SMARCD3: variants seen among roughly 807,000 people sequenced by gnomAD.
SMARCD3 encodes SWI/SNF related BAF chromatin remodeling complex subunit D3, also known as SWI/SNF-related matrix-associated actin-dependent regulator of chromatin subfamily D member 3.
SMARCD3 carries 14 observed loss-of-function variants against 58.0 expected under a neutral mutation model. The ratio of observed to expected loss-of-function variants is 0.24; its 90% confidence interval spans 0.16 to 0.38. SMARCD3 has a LOEUF of 0.38. SMARCD3 is among the 10% of genes least tolerant of loss of function. The pLI is 1.00. For missense variants in SMARCD3, 408 were observed against 636.9 expected (o/e 0.64, Z 3.87); for synonymous variants, 253 against 253.8 (o/e 1.00, Z 0.03).
At chr7:151,252,440 TGA>T (rs35914888), upstream of SMARCD3, among the ~76,000 whole-genome samples, 618 of 149,514 alleles carry the variant, frequency 4.1e-3, 1 homozygote, top group African/African-American at 0.013. Context: ...TGTGTGTGTG[TGA>T]GAGAGAGAGA....
chr7:151,254,207 GC>G (rs1263425434), intron 2 of SMARCD3: 1 of 152,316 alleles, frequency 6.6e-6, no homozygotes, highest in Non-Finnish European at 1.5e-5. Flanking sequence ...CTCTGCTAAG[GC>G]CCCACTCCTG....
At chr7:151,252,761 C>T (rs185437460), upstream of SMARCD3, among the ~76,000 whole-genome samples, 201 of 152,046 alleles carry the variant, frequency 1.3e-3, no homozygotes, top group African/African-American at 4.4e-3. Flanking sequence ...CAGGCACCTT[C>T]CTCCTCCTCC....
chr7:151,274,582 C>T (rs147325063), intron 2 of SMARCD3, among the ~76,000 whole-genome samples: 1 of 152,350 alleles, frequency 6.6e-6, no homozygotes, highest in East Asian at 1.9e-4. Context: ...CGGAACCCTG[C>T]CTGGGGCCCT....
intron 2 of SMARCD3, among the ~76,000 whole-genome samples, chr7:151,258,446 T>C (rs1803778008): frequency 6.6e-6 from 1 of 151,056 alleles, no homozygotes; most frequent in Non-Finnish European, 1.5e-5. Flanking sequence ...GCAACTGTAA[T>C]CCCAGCTACT....
intron 2 of SMARCD3, among the ~76,000 whole-genome samples, chr7:151,261,040 G>C (rs1803901495): frequency 6.6e-6 from 1 of 152,172 alleles, no homozygotes; most frequent in African/African-American, 2.4e-5. Context: ...ACTCACCAAG[G>C]GGTGGGCGGT....
At chr7:151,251,694 G>C (rs1303837694), upstream of SMARCD3, among the ~76,000 whole-genome samples, 2 of 152,164 alleles carry the variant, frequency 1.3e-5, no homozygotes, top group East Asian at 3.9e-4. Flanking sequence ...GGGGCAGGCC[G>C]TGCGCCTGTC....
At chr7:151,240,847 T>C (rs1483755297) in intron 8 of SMARCD3, 1 of 337,352 alleles carries the variant, frequency 3.0e-6, no homozygotes, top group Non-Finnish European at 5.5e-6. Flanking sequence ...ATCTCTAGAG[T>C]GGGGATGAAA....
intron 8 of SMARCD3, 67 bp from the exon 9 acceptor site, chr7:151,240,589 C>A (rs1260775955): frequency 7.5e-6 from 9 of 1,197,230 alleles, no homozygotes; most frequent in Non-Finnish European, 2.4e-6. Context: ...AGTTGTAGAT[C>A]CTTTTGTTCT....
chr7:151,258,520 T>A (rs1164749674), intron 2 of SMARCD3, among the ~76,000 whole-genome samples: 2 of 146,308 alleles, frequency 1.4e-5, no homozygotes, highest in African/African-American at 2.5e-5. Context: ...AGCCAAGATT[T>A]CGCCACTGCA....
intron 2 of SMARCD3, among the ~76,000 whole-genome samples, chr7:151,253,757 T>G (rs1803607061): frequency 6.6e-6 from 1 of 152,206 alleles, no homozygotes; most frequent in Non-Finnish European, 1.5e-5. Flanking sequence ...CGGACAGGGC[T>G]GGGCTGTGGG....
Position 151,245,769 on chromosome 7 carries a change from C to T in SMARCD3, c.79-98G>A, listed in dbSNP as rs572936147. On this transcript the variant is annotated intron_variant, in intron 1 of 12. Transcript: ENST00000262188. This position sits in a 1 kb window ranked among gnomAD's most constrained non-coding sequence, Gnocchi z 6.2. ...TGAGCCGGCGTCTCCCCTCCCCCAC[C>T]AGACCCTCGGCTGGTGACCCTGAGC... 720 of 382,862 alleles carry T rather than the reference C, an allele frequency of 1.9e-3. 4 individuals are homozygous for T. Among genetic ancestry groups the T allele is most frequent in the African/African-American group, 0.014 (672 of 47,952 alleles). 23.7% of individuals were successfully genotyped at this position (382,862 alleles called of 1,614,324 possible). A position where few individuals can be genotyped will look rare whatever the true frequency, so the allele number is the denominator to read the frequency against.
chr7:151,239,972 G>A lies in SMARCD3; in HGVS notation c.1173+140C>T. 1 of 1,019,798 alleles carries A rather than the reference G, an allele frequency of 9.8e-7. No homozygotes were observed. The highest frequency in any genetic ancestry group is 1.4e-6 in the Non-Finnish European group (1 of 713,702). The allele number at this position is 1,019,798 out of a possible 1,614,324, so 63.2% of individuals were successfully genotyped here. ...TGGACGGGCCATGTGTGTCCCATTG[G>A]CCCAGAGTCTGGTCTCTTTTTTTTT... On this transcript the variant is annotated intron_variant, in intron 10 of 12. Coordinates refer to ENST00000262188, the MANE Select transcript of SMARCD3 (RefSeq NM_001003801.2). The surrounding 1 kb of genome is among the most constrained non-coding windows in gnomAD (Gnocchi z 7.0).
intron 2 of SMARCD3, among the ~76,000 whole-genome samples, chr7:151,273,976 G>C (rs764615729): frequency 6.6e-6 from 1 of 152,278 alleles, no homozygotes; most frequent in Admixed American, 6.5e-5. Context: ...TTCTGAGGAA[G>C]GAGAAGCAGA....
Position 151,239,241 on chromosome 7 carries a change from G to A in SMARCD3, c.1399-85C>T, listed in dbSNP as rs1015620801. On this transcript the variant is annotated intron_variant, in intron 12 of 12. Coordinates refer to ENST00000262188, the MANE Select transcript of SMARCD3 (RefSeq NM_001003801.2). The surrounding 1 kb of genome is among the most constrained non-coding windows in gnomAD (Gnocchi z 7.0). ...CCCACCTACTGACACCGCCTGCCCT[G>A]AAAGAGCATCTGGGAGCAGGGAGGG... 2.0e-6 allele frequency: 3 copies of A among 1,474,748 alleles called. No individual in the cohort carries two copies. The highest frequency in any genetic ancestry group is 1.7e-4 in the Middle Eastern group (1 of 5,804). 91.4% of individuals were successfully genotyped at this position (1,474,748 alleles called of 1,614,324 possible). A position where few individuals can be genotyped will look rare whatever the true frequency, so the allele number is the denominator to read the frequency against.
rs1004211121 is a variant in SMARCD3 at position 151,246,248 on chromosome 7, T to A, written c.79-577A>T. On this transcript the variant is annotated intron_variant, in intron 1 of 12. Transcript: ENST00000262188. The surrounding 1 kb of genome is among the most constrained non-coding windows in gnomAD (Gnocchi z 4.4). ...CTCCTCCTTCTCAGGCTCCACTTCT[T>A]GGGCGGTTCTGCCTGGTACTCACTA... 2.0e-5 allele frequency: 3 copies of A among 153,030 alleles called. No homozygotes were observed. The highest frequency in any genetic ancestry group is 4.4e-5 in the Non-Finnish European group (3 of 68,706). 9.5% of individuals were successfully genotyped at this position (153,030 alleles called of 1,614,324 possible).
At position 151,257,385 on chromosome 7, in the gene SMARCD3, C is replaced by T. The variant is rs1252020710; in HGVS notation, c.40-11714G>A. On this transcript the variant is annotated intron_variant, in intron 2 of 13. Transcript: ENST00000356800. ...TAGCCTCCACATTGGCAAATGCTGC[C>T]GTCAGTTCTTAATCTACTGCAAACT... is the stretch of plus-strand genomic sequence containing the variant. Among the ~76,000 whole-genome samples the T allele has an allele frequency of 2.0e-5, 3 of 152,162 alleles. No homozygotes were observed. The East Asian group carries it at 5.8e-4, about 29-fold the overall frequency.
intron 2 of SMARCD3, among the ~76,000 whole-genome samples, chr7:151,272,212 G>A (rs925316456): frequency 6.6e-6 from 1 of 152,074 alleles, no homozygotes; most frequent in African/African-American, 2.4e-5. Flanking sequence ...CACGTGATTT[G>A]AGCAAGTTGT....
chr7:151,243,677 G>C lies in SMARCD3; in HGVS notation c.315C>G (p.Asp105Glu). 3 of 1,611,038 alleles carry C rather than the reference G, an allele frequency of 1.9e-6. No individual in the cohort carries two copies. Among genetic ancestry groups the C allele is most frequent in the Non-Finnish European group, 2.5e-6 (3 of 1,177,200 alleles). ...SRSAKRRKMADKILPQRIREL... is the reference protein window; with the variant it reads ...SRSAKRRKMAEKILPQRIREL... Reference sequence around the variant, plus strand: ...CACTCACCCTTTGAGGGAGGATTTTGTCAGCCATCTTCCTCCTCTTGGCAC... The same window carrying C: ...CACTCACCCTTTGAGGGAGGATTTTCTCAGCCATCTTCCTCCTCTTGGCAC... Residue 105 changes from aspartate (D) to glutamate (E), a missense_variant, in exon 3 of 13, where the codon GAC becomes GAG. By Grantham distance (45) the Asp-to-Glu change is conservative (BLOSUM62 2). Transcript: ENST00000262188. The surrounding 1 kb of genome is among the most constrained non-coding windows in gnomAD (Gnocchi z 4.4).
At chr7:151,275,588 G>A (rs1024754086) in intron 1 of SMARCD3, among the ~76,000 whole-genome samples, 6 of 152,188 alleles carry the variant, frequency 3.9e-5, no homozygotes, top group African/African-American at 1.2e-4. Flanking sequence ...TGGAGGGAGA[G>A]AGCTGGGCAT....
Sources: allele counts gnomAD v4.1 joint callset (sites outside exome capture counted in the v4.1 genomes callset), GRCh38; gene constraint gnomAD v4.1.1; non-coding constraint Gnocchi (gnomAD v3.1); transcripts MANE v1.5; gene names NCBI Gene and HGNC (gene_info 2026-07-23, HGNC 2026-07-21).